The following EXOC3 variants were observed in gnomAD, a reference collection of about 807,000 sequenced individuals.
The protein encoded by EXOC3 is exocyst complex component 3, also known as SEC6-like 1.
EXOC3 carries 21 observed loss-of-function variants against 73.7 expected under a neutral mutation model. That is an observed-to-expected ratio of 0.29 (90% CI 0.20 to 0.41). The LOEUF is 0.41. EXOC3 is among the 10% of genes least tolerant of loss of function. The probability of loss-of-function intolerance (pLI) is 1.00; values close to 1 mark genes in which losing one functional copy is unlikely to be tolerated. For synonymous variants in EXOC3, 410 were observed against 389.1 expected (o/e 1.05, Z -0.63); for missense variants, 842 against 985.1 (o/e 0.85, Z 1.95).
rs1304711645 is a variant in EXOC3, at chr5:467,070, G to A, written c.*172G>A. The A allele has an allele frequency of 1.4e-5, 9 of 653,836 alleles. No individual in the cohort carries two copies. The highest frequency in any genetic ancestry group is 4.2e-4 in the Middle Eastern group (1 of 2,390). The allele number at this position is 653,836 out of a possible 1,614,324, so 40.5% of individuals were successfully genotyped here. A position where few individuals can be genotyped will look rare whatever the true frequency, so the allele number is the denominator to read the frequency against. On this transcript the variant is annotated 3_prime_UTR_variant, in exon 13 of 13. Coordinates refer to ENST00000512944, the MANE Select transcript of EXOC3 (RefSeq NM_007277.5). ...CGTCGAGTGAGCGTCCCGAGGCCAC[G>A]TGCGGAGGCCCCTCACTGTGCTGTC... is the stretch of plus-strand genomic sequence containing the variant.
chr5:464,957 C>A (rs1738096695), intron 10 of EXOC3, 154 bp from the exon 11 acceptor site: 7 of 790,360 alleles, frequency 8.9e-6, no homozygotes, highest in Non-Finnish European at 1.2e-5. Context: ...CCCCGCTCCT[C>A]CTCTGCGGTG....
chr5:451,408 T>C (rs563158871), intron 3 of EXOC3, among the ~76,000 whole-genome samples: 118 of 152,356 alleles, frequency 7.7e-4, no homozygotes, highest in Middle Eastern at 3.4e-3. Flanking sequence ...CTAATAATTG[T>C]TTTTTAATGC....
intron 3 of EXOC3, among the ~76,000 whole-genome samples, chr5:448,555 A>G (rs757696407): frequency 2.0e-5 from 3 of 152,072 alleles, no homozygotes; most frequent in African/African-American, 7.2e-5. Context: ...TTCCTCTACC[A>G]GACGTCTCTG....
intron 12 of EXOC3, 105 bp downstream of exon 12, chr5:465,950 C>T: frequency 7.6e-7 from 1 of 1,323,980 alleles, no homozygotes; most frequent in Non-Finnish European, 1.0e-6. Flanking sequence ...CAAGTTCAGC[C>T]CTGCAGCACG....
rs1187080196 is a variant in EXOC3, at chr5:447,786, T to A, written c.364+34T>A. On this transcript the variant is annotated intron_variant, in intron 3 of 12. Transcript: ENST00000512944. ...CAGACGCCGAGGCACTTGCCCCCAC[T>A]CACGCTGTCTTTGCATGACTCACTG... The A allele has an allele frequency of 4.1e-6, 6 of 1,447,082 alleles. No individual in the cohort carries two copies. In the South Asian group the frequency reaches 6.7e-5, roughly 16 times the overall value. The allele number at this position is 1,447,082 out of a possible 1,614,324, so 89.6% of individuals were successfully genotyped here. A position where few individuals can be genotyped will look rare whatever the true frequency, so the allele number is the denominator to read the frequency against.
rs552238465 is a variant in EXOC3, at chr5:461,166, A to G, written c.1392-794A>G. On this transcript the variant is annotated intron_variant, in intron 7 of 12. Transcript: ENST00000512944. ...TTCTAGGTGAAGTGTATAGTAAATAAAATAAATAAAATAAGATAATGCTTT... is the reference window on the plus strand; with the variant it reads ...TTCTAGGTGAAGTGTATAGTAAATAGAATAAATAAAATAAGATAATGCTTT... 1.8e-4 allele frequency among the ~76,000 whole-genome samples: 22 copies of G among 120,494 alleles called. 1 individual carries two copies. The South Asian group carries it at 5.9e-3, about 32-fold the overall frequency. 79.0% of individuals were successfully genotyped at this position (120,494 alleles called of 152,430 possible).
rs183967431 is a variant in EXOC3 at position 452,723 on chromosome 5, A to T, written c.365-647A>T. On this transcript the variant is annotated intron_variant, in intron 3 of 12. Transcript: ENST00000512944. ...TGCCAAGGCACAGCCTGAGGTGTGAACTTCAAGGTCGTGTCAAGTCTTTTC... is the reference window on the plus strand; with the variant it reads ...TGCCAAGGCACAGCCTGAGGTGTGATCTTCAAGGTCGTGTCAAGTCTTTTC... Among the ~76,000 whole-genome samples, 207 of 152,360 alleles carry T rather than the reference A, an allele frequency of 1.4e-3. 13 individuals are homozygous for T. In the East Asian group the frequency reaches 0.018, roughly 13 times the overall value.
Position 465,158 on chromosome 5 carries a change from G to A in EXOC3, c.1824G>A (p.Arg608=). ...GGCGCGTGGTGGTGGAGTACCTGCG[G>A]GCGGTCATGCAGAAGCGCATTTCCT... is the stretch of plus-strand genomic sequence containing the variant. ...AHRRVVVEYL[R]AVMQKRISFR... The change falls in exon 11 of 13, where the codon CGG becomes CGA. Residue 608 remains arginine (R), a synonymous_variant. Coordinates refer to ENST00000512944, the MANE Select transcript of EXOC3 (RefSeq NM_007277.5). 1 of 1,596,826 alleles carries A rather than the reference G, an allele frequency of 6.3e-7. No homozygotes were observed. The highest frequency in any genetic ancestry group is 1.1e-5 in the South Asian group (1 of 88,268).
chr5:463,538 T>C (rs1161935051), intron 9 of EXOC3, among the ~76,000 whole-genome samples: 1 of 152,220 alleles, frequency 6.6e-6, no homozygotes, highest in Non-Finnish European at 1.5e-5. Context: ...AAAGGGGCTG[T>C]TTGTATTCTG....
chr5:456,763 G>T, intron 4 of EXOC3, 126 bp from the exon 5 acceptor site: 1 of 744,666 alleles, frequency 1.3e-6, no homozygotes, highest in Non-Finnish European at 2.3e-6. Context: ...GCTGTGGGCC[G>T]GCTGTGACCA....
chr5:464,006 G>A (rs909458145), intron 9 of EXOC3, among the ~76,000 whole-genome samples: 1 of 152,238 alleles, frequency 6.6e-6, no homozygotes, highest in Non-Finnish European at 1.5e-5. Context: ...ACCTGAGTGC[G>A]CATTGCTGTT....
At chr5:463,846 A>G (rs1401080845) in intron 9 of EXOC3, among the ~76,000 whole-genome samples, 1 of 152,278 alleles carries the variant, frequency 6.6e-6, no homozygotes, top group African/African-American at 2.4e-5. Flanking sequence ...AATAAATACG[A>G]TAAATATATG....
At chr5:466,623 C>T (rs1463485599) in intron 12 of EXOC3, 104 bp from the exon 13 acceptor site, 2 of 1,166,022 alleles carry the variant, frequency 1.7e-6, no homozygotes, top group South Asian at 3.1e-5. Flanking sequence ...CGGTCCTCAC[C>T]CCCTGTGTTC....
intron 4 of EXOC3, among the ~76,000 whole-genome samples, chr5:455,766 G>A (rs1031321908): frequency 2.0e-5 from 3 of 152,110 alleles, no homozygotes; most frequent in African/African-American, 7.2e-5. Flanking sequence ...ACCATGCCCC[G>A]CTAATTTTTT....
At chr5:449,352 T>C (rs1339398370) in intron 3 of EXOC3, among the ~76,000 whole-genome samples, 1 of 152,224 alleles carries the variant, frequency 6.6e-6, no homozygotes, top group Non-Finnish European at 1.5e-5. Context: ...TGGGGACTAT[T>C]AAGAACATTC....
At chr5:459,964 C>T (rs7716075) in intron 7 of EXOC3, among the ~76,000 whole-genome samples, 47,911 of 152,102 alleles carry the variant, frequency 0.31, 8,616 homozygotes, top group Middle Eastern at 0.47. Context: ...TCGTGCAGTC[C>T]AGAAGCCATC....
At chr5:452,089 G>A (rs143691949) in intron 3 of EXOC3, among the ~76,000 whole-genome samples, 1 of 152,306 alleles carries the variant, frequency 6.6e-6, no homozygotes, top group African/African-American at 2.4e-5. Flanking sequence ...AATGTGGGGA[G>A]TTTTCACCTA....
chr5:455,692 AT>A lies in EXOC3; in HGVS notation c.1047-1196del, dbSNP rs200836074. Among the ~76,000 whole-genome samples the A allele has an allele frequency of 7.6e-3, 1,158 of 152,318 alleles. 48 individuals are homozygous for A. Among genetic ancestry groups the A allele is most frequent in the Admixed American group, 0.062 (941 of 15,290 alleles). Reference sequence around the variant, plus strand: ...ATTTTTGTGGGTACATAGTAGGTGTATCCCGGCTTCACGCCATTCTCCTGCC... The same window carrying A: ...ATTTTTGTGGGTACATAGTAGGTGTACCCGGCTTCACGCCATTCTCCTGCC... On this transcript the variant is annotated intron_variant, in intron 4 of 12. Transcript: ENST00000512944.
At position 458,350 on chromosome 5, in the gene EXOC3, G is replaced by T. The variant is rs1223690818; in HGVS notation, c.1290+325G>T. 2.0e-5 allele frequency among the ~76,000 whole-genome samples: 3 copies of T among 152,240 alleles called. No homozygotes were observed. The East Asian group carries it at 5.8e-4, about 29-fold the overall frequency. ...TGTGAGTTTGTTTGGTCGATATCCA[G>T]GATTTGTCCTAAAAAATGGCACATG... On this transcript the variant is annotated intron_variant, in intron 6 of 12. Transcript: ENST00000512944.
Sources: allele counts gnomAD v4.1 joint callset (sites outside exome capture counted in the v4.1 genomes callset), GRCh38; gene constraint gnomAD v4.1.1; transcripts MANE v1.5; gene names NCBI Gene and HGNC (gene_info 2026-07-23, HGNC 2026-07-21).